The following PCSK6 variants were observed in gnomAD, a reference collection of about 807,000 sequenced individuals.
The protein encoded by PCSK6 is paired basic amino acid cleaving enzyme 4.
PCSK6 carries 85 observed loss-of-function variants against 123.3 expected under a neutral mutation model. The observed-to-expected ratio is 0.69, with a 90% CI of 0.58 to 0.83. PCSK6 has a LOEUF of 0.83. PCSK6 is among the 40% of genes least tolerant of loss of function. The probability of loss-of-function intolerance (pLI) is 0.00; values close to 1 mark genes in which losing one functional copy is unlikely to be tolerated. For synonymous variants in PCSK6, 508 were observed against 516.0 expected (o/e 0.98, Z 0.21); for missense variants, 1,191 against 1,282.3 (o/e 0.93, Z 1.09).
intron 13 of PCSK6, among the ~76,000 whole-genome samples, chr15:101,351,109 G>A (rs1399541399): frequency 6.6e-6 from 1 of 152,118 alleles, no homozygotes; most frequent in Non-Finnish European, 1.5e-5. Flanking sequence ...TCTCATGGTG[G>A]CTACTGGACC....
intron 13 of PCSK6, among the ~76,000 whole-genome samples, chr15:101,340,793 A>C (rs2141386984): frequency 6.6e-6 from 1 of 152,066 alleles, no homozygotes; most frequent in East Asian, 1.9e-4. Flanking sequence ...GTTCTAACAA[A>C]ATTTCTTACT....
In PCSK6 at chr15:101,325,053, G is replaced by A. The variant is rs572042572; in HGVS notation, c.2181-7C>T. 33 of 1,597,536 alleles carry A rather than the reference G, an allele frequency of 2.1e-5. No homozygotes were observed. The African/African-American group carries it at 2.3e-4, about 11-fold the overall frequency. On this transcript the variant is annotated splice_region_variant and splice_polypyrimidine_tract_variant and intron_variant, in intron 16 of 21. Transcript: ENST00000611716. ...GCACACACTCACGCACTTCCTGTAGGAGCAAAGGCAGGAGGGTGAGGGCCT... is the reference window on the plus strand; with the variant it reads ...GCACACACTCACGCACTTCCTGTAGAAGCAAAGGCAGGAGGGTGAGGGCCT...
At chr15:101,446,798 G>C (rs1369607928) in intron 1 of PCSK6, among the ~76,000 whole-genome samples, 1 of 152,214 alleles carries the variant, frequency 6.6e-6, no homozygotes, top group African/African-American at 2.4e-5. Context: ...CTCAAACACA[G>C]GTGCGGCTGC....
intron 13 of PCSK6, chr15:101,365,954 T>A (rs8029797): frequency 0.38 from 134,294 of 356,284 alleles, 28,071 homozygotes; most frequent in East Asian, 0.6. Flanking sequence ...GGTTTCTTTT[T>A]GTGGGGATGA....
chr15:101,384,490 A>C, intron 9 of PCSK6, 65 bp from the exon 10 acceptor site: 1 of 1,418,880 alleles, frequency 7.0e-7, no homozygotes, highest in Non-Finnish European at 9.8e-7. Context: ...CAGGCCACTC[A>C]GAGGCAGGGG....
At chr15:101,345,042 G>A (rs2040698809) in intron 13 of PCSK6, among the ~76,000 whole-genome samples, 2 of 152,180 alleles carry the variant, frequency 1.3e-5, no homozygotes, top group South Asian at 4.1e-4. Context: ...GTAAGCACTT[G>A]TTTTGTGGGT....
chr15:101,379,747 G>A (rs561823870), intron 11 of PCSK6, among the ~76,000 whole-genome samples: 132 of 152,242 alleles, frequency 8.7e-4, no homozygotes, highest in African/African-American at 2.7e-3. Context: ...TTTCATTTTC[G>A]GCCACGTGAT....
At chr15:101,376,539 A>G (rs1162103326) in intron 11 of PCSK6, among the ~76,000 whole-genome samples, 5 of 152,246 alleles carry the variant, frequency 3.3e-5, no homozygotes, top group Non-Finnish European at 5.9e-5. Flanking sequence ...GGCTCACAGG[A>G]ACTTAACCCT....
At position 101,313,144 on chromosome 15, in the gene PCSK6, A is replaced by G. The variant is rs533516757; in HGVS notation, c.2699+232T>C. 2.0e-6 allele frequency: 3 copies of G among 1,466,664 alleles called. No individual in the cohort carries two copies. The East Asian group carries it at 7.8e-5, about 38-fold the overall frequency. 90.9% of individuals were successfully genotyped at this position (1,466,664 alleles called of 1,614,324 possible). A position where few individuals can be genotyped will look rare whatever the true frequency, so the allele number is the denominator to read the frequency against. ...TGAGCACCTTGCTATTCTGCTTCCC[A>G]TCTTATCCCGCTGCTGCACGGTGTC... On this transcript the variant is annotated intron_variant, in intron 20 of 21. Transcript: ENST00000611716.
At chr15:101,346,181 T>C (rs1026471114) in intron 13 of PCSK6, among the ~76,000 whole-genome samples, 14 of 152,234 alleles carry the variant, frequency 9.2e-5, no homozygotes, top group African/African-American at 3.1e-4. Flanking sequence ...CCACCTCTTA[T>C]TTATCCCAGT....
At chr15:101,363,930 G>A (rs1002814848) in intron 13 of PCSK6, among the ~76,000 whole-genome samples, 3 of 151,996 alleles carry the variant, frequency 2.0e-5, no homozygotes, top group Non-Finnish European at 4.4e-5. Context: ...GAGCCACCGC[G>A]CCCAGCCAAC....
At chr15:101,470,583 C>G (rs1345988742) in intron 1 of PCSK6, among the ~76,000 whole-genome samples, 3 of 152,162 alleles carry the variant, frequency 2.0e-5, no homozygotes, top group Admixed American at 1.3e-4. Context: ...AGTTTTACAT[C>G]CCTCCGGCAT....
chr15:101,382,011 C>A, intron 11 of PCSK6, 81 bp downstream of exon 11: 1 of 906,622 alleles, frequency 1.1e-6, no homozygotes, highest in Admixed American at 2.1e-5. Context: ...GTGTGAACAC[C>A]TCCCCCAGCC....
At chr15:101,378,792 A>T (rs559397833) in intron 11 of PCSK6, among the ~76,000 whole-genome samples, 10 of 152,386 alleles carry the variant, frequency 6.6e-5, no homozygotes, top group African/African-American at 2.4e-4. Context: ...TGCAGTGTCC[A>T]GGTGAGAAAT....
chr15:101,359,051 C>G (rs1261102136), intron 13 of PCSK6, among the ~76,000 whole-genome samples: 1 of 152,212 alleles, frequency 6.6e-6, no homozygotes, highest in Admixed American at 6.5e-5. Context: ...CCGTCCTCCC[C>G]ACACACAGCA....
chr15:101,415,077 T>A (rs1251846151), intron 6 of PCSK6, among the ~76,000 whole-genome samples: 1 of 152,276 alleles, frequency 6.6e-6, no homozygotes, highest in African/African-American at 2.4e-5. Context: ...AGATTCATTA[T>A]ACCTTGTAAT....
chr15:101,368,333 C>T (rs928798430), intron 12 of PCSK6, among the ~76,000 whole-genome samples: 1 of 152,082 alleles, frequency 6.6e-6, no homozygotes, highest in African/African-American at 2.4e-5. Flanking sequence ...GTCAGGTAGC[C>T]GGACGTAAGC....
At chr15:101,484,071 T>G (rs949598448) in intron 1 of PCSK6, among the ~76,000 whole-genome samples, 3 of 152,222 alleles carry the variant, frequency 2.0e-5, no homozygotes, top group Admixed American at 1.3e-4. Flanking sequence ...TATACGTGTG[T>G]ATATATACAC....
At chr15:101,479,541 G>A (rs1039601494) in intron 1 of PCSK6, among the ~76,000 whole-genome samples, 4 of 152,184 alleles carry the variant, frequency 2.6e-5, no homozygotes, top group African/African-American at 7.2e-5. Flanking sequence ...GGGTGGCAGG[G>A]GAGAAAGACC....
Sources: allele counts gnomAD v4.1 joint callset (sites outside exome capture counted in the v4.1 genomes callset), GRCh38; gene constraint gnomAD v4.1.1; transcripts MANE v1.5; gene names NCBI Gene and HGNC (gene_info 2026-07-23, HGNC 2026-07-21).